SMYD3: variants seen among roughly 807,000 people sequenced by gnomAD.
SMYD3 encodes the protein SET and MYND domain containing 3.
In SMYD3, 36 loss-of-function variants were observed where a neutral mutation model predicts 57.7. The ratio of observed to expected loss-of-function variants is 0.62; its 90% CI spans 0.48 to 0.82. The LOEUF is 0.82. Among genes scored for constraint, SMYD3 ranks in the 40% least tolerant of loss-of-function variants. The probability of loss-of-function intolerance (pLI) is 0.00; values close to 1 mark genes in which losing one functional copy is unlikely to be tolerated. For missense variants in SMYD3, 515 were observed against 538.8 expected (o/e 0.96, Z 0.44); for synonymous variants, 211 against 195.0 (o/e 1.08, Z -0.68).
chr1:245,874,673 G>A (rs771541419), intron 8 of SMYD3, among the ~76,000 whole-genome samples: 17 of 152,108 alleles, frequency 1.1e-4, no homozygotes, highest in Non-Finnish European at 1.8e-4. Context: ...GTCGCTGTTC[G>A]AGGGAAAGAA....
chr1:246,201,688 C>A (rs1306246136), intron 5 of SMYD3, among the ~76,000 whole-genome samples: 3 of 152,186 alleles, frequency 2.0e-5, no homozygotes, highest in African/African-American at 7.2e-5. Context: ...CGGTTCACAT[C>A]AATCACCTAC....
At chr1:246,043,150 T>A (rs2059906750) in intron 5 of SMYD3, among the ~76,000 whole-genome samples, 1 of 152,200 alleles carries the variant, frequency 6.6e-6, no homozygotes, top group South Asian at 2.1e-4. Context: ...CATCGATTAC[T>A]CCATGGATTA....
intron 5 of SMYD3, among the ~76,000 whole-genome samples, chr1:246,198,964 G>A (rs550217361): frequency 9.2e-5 from 14 of 152,194 alleles, no homozygotes; most frequent in Admixed American, 2.6e-4. Context: ...GTAAATTTTT[G>A]CTTATAATTT....
chr1:245,816,604 A>G (rs1247176947), intron 10 of SMYD3, among the ~76,000 whole-genome samples: 2 of 151,778 alleles, frequency 1.3e-5, no homozygotes, highest in Admixed American at 1.3e-4. Flanking sequence ...GTGACATAGA[A>G]GACGGTGATT....
In SMYD3 at chr1:246,410,956, G is replaced by A. The variant is rs138214467; in HGVS notation, c.165-55862C>T. Among the ~76,000 whole-genome samples, 906 of 152,266 alleles carry A rather than the reference G, an allele frequency of 6.0e-3. 4 individuals are homozygous for A. Among genetic ancestry groups the A allele is most frequent in the Non-Finnish European group, 8.1e-3 (548 of 68,026 alleles). On this transcript the variant is annotated intron_variant, in intron 1 of 11. Transcript: ENST00000490107. ...CTTCTAGATTTTCTAGTTTATCTGC[G>A]TAGAGGTGTTTATAGTATTCTCTGA...
intron 5 of SMYD3, among the ~76,000 whole-genome samples, chr1:246,230,998 T>C (rs1011776637): frequency 4.6e-5 from 7 of 152,220 alleles, no homozygotes; most frequent in Admixed American, 3.3e-4. Context: ...CTATTTATCA[T>C]ATGATGTATA....
chr1:245,823,392 C>T (rs932266529), intron 10 of SMYD3, among the ~76,000 whole-genome samples: 8 of 152,144 alleles, frequency 5.3e-5, no homozygotes, highest in African/African-American at 1.7e-4. Context: ...TCCAGGCATC[C>T]GTCCCTGGAG....
chr1:246,243,962 C>G (rs892037074), intron 5 of SMYD3, among the ~76,000 whole-genome samples: 1 of 106,598 alleles, frequency 9.4e-6, no homozygotes, highest in Admixed American at 1.1e-4. Context: ...ATAGTCCCAG[C>G]TACTTGGGAG....
At chr1:245,814,019 T>G (rs1379093635) in intron 10 of SMYD3, among the ~76,000 whole-genome samples, 1 of 151,708 alleles carries the variant, frequency 6.6e-6, no homozygotes, top group East Asian at 1.9e-4. Context: ...ACAGCAAAAT[T>G]TTATAATAAA....
At chr1:246,191,529 T>G (rs1241989496) in intron 5 of SMYD3, among the ~76,000 whole-genome samples, 1 of 152,172 alleles carries the variant, frequency 6.6e-6, no homozygotes, top group East Asian at 1.9e-4. Context: ...TATAAATAAA[T>G]GTGAATATTA....
intron 5 of SMYD3, among the ~76,000 whole-genome samples, chr1:246,127,075 G>A (rs2061521076): frequency 6.6e-6 from 1 of 152,082 alleles, no homozygotes; most frequent in African/African-American, 2.4e-5. Context: ...TACACAGGAA[G>A]GTAAAGTGCA....
chr1:245,805,905 C>T (rs1044099317), intron 10 of SMYD3, among the ~76,000 whole-genome samples: 1 of 152,144 alleles, frequency 6.6e-6, no homozygotes, highest in African/African-American at 2.4e-5. Context: ...TTCCCAAGTT[C>T]CTTCTACTGC....
At chr1:246,130,695 GT>G (rs1235287969) in intron 5 of SMYD3, among the ~76,000 whole-genome samples, 1 of 152,172 alleles carries the variant, frequency 6.6e-6, no homozygotes, top group African/African-American at 2.4e-5. Flanking sequence ...ACTCCAGACA[GT>G]TCTGACCTTT....
intron 7 of SMYD3, among the ~76,000 whole-genome samples, chr1:245,923,038 C>T (rs925474445): frequency 4.6e-5 from 7 of 151,868 alleles, no homozygotes; most frequent in Non-Finnish European, 8.8e-5. Flanking sequence ...TAGCCATGGT[C>T]GTATATACAA....
At chr1:246,459,638 A>C (rs901326793) in intron 1 of SMYD3, among the ~76,000 whole-genome samples, 1 of 152,178 alleles carries the variant, frequency 6.6e-6, no homozygotes, top group African/African-American at 2.4e-5. Context: ...GAGTCAATTA[A>C]ACTGCTTTTC....
chr1:246,132,802 A>C (rs544347942), intron 5 of SMYD3, among the ~76,000 whole-genome samples: 11 of 152,240 alleles, frequency 7.2e-5, no homozygotes, highest in African/African-American at 2.4e-4. Context: ...GGAAAAACCC[A>C]ATTTTTAAAA....
At position 246,202,943 on chromosome 1, in the gene SMYD3, T is replaced by C. The variant is rs1163713342; in HGVS notation, c.531+124258A>G. 1.3e-5 allele frequency among the ~76,000 whole-genome samples: 2 copies of C among 151,946 alleles called. No individual in the cohort carries two copies. Among genetic ancestry groups the C allele is most frequent in the African/African-American group, 2.4e-5 (1 of 41,358 alleles). On this transcript the variant is annotated intron_variant, in intron 5 of 11. Coordinates refer to ENST00000490107, the MANE Select transcript of SMYD3 (RefSeq NM_001167740.2). This position sits in a 1 kb window ranked among gnomAD's most constrained non-coding sequence, Gnocchi z 4.1. ...GAGTTCGAGACCAGCCTGGCCAATA[T>C]GGGAAAACCCGTCTCTACTAAAAAT...
At chr1:245,762,384 A>T (rs1176790189) in intron 11 of SMYD3, among the ~76,000 whole-genome samples, 2 of 151,872 alleles carry the variant, frequency 1.3e-5, no homozygotes, top group East Asian at 1.9e-4. Flanking sequence ...CTTGCAGGTG[A>T]CCCTGTGTTG....
chr1:246,366,835 G>A (rs533093241), intron 1 of SMYD3, among the ~76,000 whole-genome samples: 34 of 150,906 alleles, frequency 2.3e-4, no homozygotes, highest in Non-Finnish European at 4.6e-4. Flanking sequence ...GGAGGCTGGG[G>A]CAAGAGAATC....
Sources: gnomAD v4.1 joint callset for allele counts (sites outside exome capture counted in the v4.1 genomes callset) on GRCh38, gnomAD v4.1.1 for gene constraint, Gnocchi (gnomAD v3.1) non-coding constraint, MANE v1.5 for transcripts, NCBI Gene and HGNC (gene_info 2026-07-23, HGNC 2026-07-21) for gene names.